Variants in MYH4 observed in about 807,000 individuals in gnomAD.
The protein encoded by MYH4 is myosin heavy chain 4.
A neutral mutation model predicts 229.9 loss-of-function variants in MYH4; 200 were observed. That is an observed-to-expected ratio of 0.87 (90% CI 0.78 to 0.98). The LOEUF (loss-of-function observed/expected upper bound fraction) is 0.98, where lower values mean the gene tolerates loss of function less well. Among genes scored for constraint, MYH4 ranks in the 50% least tolerant of loss-of-function variants. The pLI, the probability that MYH4 is intolerant of heterozygous loss-of-function variation, is 0.00. For synonymous variants in MYH4, 761 were observed against 834.6 expected (o/e 0.91, Z 1.52); for missense variants, 2,148 against 2,332.6 (o/e 0.92, Z 1.63).
chr17:10,454,798 G>GTAC lies in MYH4; in HGVS notation c.2447_2448insGTA (p.Phe816delinsLeuTyr). On this transcript the variant is annotated protein_altering_variant, in exon 22 of 40. Coordinates refer to ENST00000255381, the MANE Select transcript of MYH4 (RefSeq NM_017533.2). ...AAGCACGGATGTTGTACTGAATGCAGAAGATGGACTCTCTGTAGGAAAAGA... is the reference window on the plus strand; with the variant it reads ...AAGCACGGATGTTGTACTGAATGCAGTACAAGATGGACTCTCTGTAGGAAAAGA... 6.2e-7 allele frequency: 1 copy of GTAC among 1,613,838 alleles called. No homozygotes were observed. The highest frequency in any genetic ancestry group is 8.5e-7 in the Non-Finnish European group (1 of 1,179,896).
rs112990048 is a variant in MYH4 at position 10,454,785 on chromosome 17, T to C, written c.2461A>G (p.Asn821Asp). ...RRESIFCIQY[N>D]IRAFMNVKHW... ...TTCACATTCATGAAAGCACGGATGTTGTACTGAATGCAGAAGATGGACTCT... is the reference window on the plus strand; with the variant it reads ...TTCACATTCATGAAAGCACGGATGTCGTACTGAATGCAGAAGATGGACTCT... Residue 821 changes from asparagine (N) to aspartate (D), a missense_variant, in exon 22 of 40, where the codon AAC becomes GAC. By Grantham distance (23) the Asn-to-Asp change is conservative. Coordinates refer to ENST00000255381, the MANE Select transcript of MYH4 (RefSeq NM_017533.2). 1 of 1,614,100 alleles carries C rather than the reference T, an allele frequency of 6.2e-7. No individual in the cohort carries two copies. Among genetic ancestry groups the C allele is most frequent in the Non-Finnish European group, 8.5e-7 (1 of 1,180,000 alleles).
Position 10,457,721 on chromosome 17 carries a change from G to A in MYH4, c.1596C>T (p.Gly532=). Residue 532 remains glycine, a synonymous_variant, in exon 16 of 40, where the codon GGC becomes GGT. Coordinates refer to ENST00000255381, the MANE Select transcript of MYH4 (RefSeq NM_017533.2). ...ACTCCTCTTCTAGGATGGAGAAGAT[G>A]CCCATAGGCTAAGAATAGGAAAAAA... is the stretch of plus-strand genomic sequence containing the variant. ...ACIELIEKPM[G]IFSILEEECM... is the part of the protein sequence containing the mutation. The A allele has an allele frequency of 6.2e-7, 1 of 1,613,518 alleles. No individual in the cohort carries two copies.
In MYH4 at chr17:10,451,342, A is replaced by C; in HGVS notation, c.3849T>G (p.Arg1283=). The C allele has an allele frequency of 6.2e-7, 1 of 1,613,952 alleles. No homozygotes were observed. Among genetic ancestry groups the C allele is most frequent in the Non-Finnish European group, 8.5e-7 (1 of 1,179,970 alleles). ...TTTACTGACCTGATTCTGTGTGTAA[A>C]CGTGCCTTCTGGGCTGACAACTCAT... ...LINELSAQKA[R]LHTESGEFSR... The change falls in exon 28 of 40, where the codon CGT becomes CGG. Residue 1283 remains arginine (R), a synonymous_variant. Coordinates refer to ENST00000255381, the MANE Select transcript of MYH4 (RefSeq NM_017533.2).
intron 27 of MYH4, 113 bp from the exon 28 acceptor site, chr17:10,451,565 T>A: frequency 8.3e-7 from 1 of 1,204,594 alleles, no homozygotes; most frequent in Non-Finnish European, 1.1e-6. Context: ...TACTTTTCTA[T>A]CAATCTTGCA....
intron 4 of MYH4, 48 bp downstream of exon 4, chr17:10,466,225 T>C (rs202014531): frequency 8.3e-6 from 13 of 1,567,828 alleles, no homozygotes; most frequent in Admixed American, 5.2e-5. Context: ...TTAGCTAACA[T>C]GTGTAGAATG....
chr17:10,450,627 G>T lies in MYH4; in HGVS notation c.4007C>A (p.Ala1336Asp), dbSNP rs989911814. ...ETKAKSTLAH[A>D]LQSARHDCDL... Reference sequence around the variant, plus strand: ...ACAGTCATGGCGGGCTGACTGCAGGGCATGGGCCAGAGTGCTCTTGGCCTA... The same window carrying T: ...ACAGTCATGGCGGGCTGACTGCAGGTCATGGGCCAGAGTGCTCTTGGCCTA... The change falls in exon 30 of 40, where the codon GCC becomes GAC. Residue 1336 changes from alanine to aspartate, a missense_variant. By Grantham distance (126) the Ala-to-Asp change is moderately radical. Transcript: ENST00000255381. The T allele has an allele frequency of 1.9e-6, 3 of 1,614,142 alleles. No homozygotes were observed. Among genetic ancestry groups the T allele is most frequent in the Non-Finnish European group, 2.5e-6 (3 of 1,180,006 alleles).
At chr17:10,467,777 A>G (rs191418235) in intron 2 of MYH4, among the ~76,000 whole-genome samples, 317 of 152,326 alleles carry the variant, frequency 2.1e-3, no homozygotes, top group African/African-American at 7.4e-3. Context: ...GAACTTAAAA[A>G]ATTTTCCCTA....
chr17:10,468,946 C>G (rs2072794083), intron 2 of MYH4, among the ~76,000 whole-genome samples: 1 of 152,164 alleles, frequency 6.6e-6, no homozygotes, highest in South Asian at 2.1e-4. Flanking sequence ...GGATTGGCAC[C>G]TAGAAATATC....
In MYH4 at chr17:10,452,089, C is replaced by T. The variant is rs770623983; in HGVS notation, c.3590G>A (p.Arg1197Gln). The change falls in exon 27 of 40, where the codon CGG becomes CAG. Residue 1197 changes from arginine (R) to glutamine (Q), a missense_variant. Transcript: ENST00000255381. ...LQHEATAAAL[R>Q]KKHADSVAEL... ...AGCCACACTATCTGCGTGCTTCTTC[C>T]GAAGAGCAGCTGCCGTGGCTTCGTG... 1.9e-6 allele frequency: 3 copies of T among 1,613,830 alleles called. No individual in the cohort carries two copies. Among genetic ancestry groups the T allele is most frequent in the Admixed American group, 3.3e-5 (2 of 59,996 alleles).
At position 10,455,750 on chromosome 17, in the gene MYH4, A is replaced by C; in HGVS notation, c.2057-19T>G. On this transcript the variant is annotated intron_variant, in intron 18 of 39. Coordinates refer to ENST00000255381, the MANE Select transcript of MYH4 (RefSeq NM_017533.2). ...ATGGCACCTAAGAGAATGAATCCAC[A>C]TGCCATACTTCGTGGTCTATCGCAC... is the stretch of plus-strand genomic sequence containing the variant. The C allele has an allele frequency of 3.1e-6, 5 of 1,614,144 alleles. No individual in the cohort carries two copies. The highest frequency in any genetic ancestry group is 4.2e-6 in the Non-Finnish European group (5 of 1,180,002).
At chr17:10,460,774 C>A in intron 12 of MYH4, 142 bp downstream of exon 12, 1 of 795,570 alleles carries the variant, frequency 1.3e-6, no homozygotes, top group Non-Finnish European at 2.0e-6. Flanking sequence ...TAATGTAAAA[C>A]GTCAGGCAGT....
rs778451194 is a variant in MYH4, at chr17:10,459,428, A to C, written c.1417-7T>G. ...GCTGCTCCAGGCTGTTGAACTACAG[A>C]ACAAGATAAATATAGGAAATTACGC... On this transcript the variant is annotated splice_polypyrimidine_tract_variant and splice_region_variant and intron_variant, in intron 14 of 39. Coordinates refer to ENST00000255381, the MANE Select transcript of MYH4 (RefSeq NM_017533.2). The C allele has an allele frequency of 6.2e-7, 1 of 1,614,162 alleles. No individual in the cohort carries two copies. The highest frequency in any genetic ancestry group is 8.5e-7 in the Non-Finnish European group (1 of 1,180,014).
chr17:10,457,832 T>G, intron 15 of MYH4, 103 bp from the exon 16 acceptor site: 1 of 1,413,448 alleles, frequency 7.1e-7, no homozygotes, highest in Non-Finnish European at 9.5e-7. Context: ...AAGAAGACTT[T>G]GAATGATAAA....
At chr17:10,465,387 A>T in intron 5 of MYH4, 55 bp downstream of exon 5, 2 of 1,590,850 alleles carry the variant, frequency 1.3e-6, no homozygotes, top group Non-Finnish European at 1.7e-6. Flanking sequence ...GTTTTTTCTG[A>T]TATCAGTATA....
Position 10,459,403 on chromosome 17 carries a change from G to T in MYH4, c.1435C>A (p.Leu479Met). The T allele has an allele frequency of 3.1e-6, 5 of 1,614,134 alleles. No individual in the cohort carries two copies. The highest frequency in any genetic ancestry group is 4.2e-6 in the Non-Finnish European group (5 of 1,180,012). ...EIFDFNSLEQ[L>M]CINFTNEKLQ... ...TTCTCGTTGGTGAAGTTGATGCACA[G>T]CTGCTCCAGGCTGTTGAACTACAGA... The change falls in exon 15 of 40, where the codon CTG (leucine) becomes ATG (methionine). Residue 479 changes from leucine to methionine, a missense_variant. Transcript: ENST00000255381.
chr17:10,455,578 T>A (rs748002493), intron 19 of MYH4, 36 bp downstream of exon 19: 1 of 1,611,994 alleles, frequency 6.2e-7, no homozygotes, highest in East Asian at 2.2e-5. Flanking sequence ...TTGTGTAGAC[T>A]AAGACATTGG....
chr17:10,460,834 GA>G lies in MYH4; in HGVS notation c.1147+81del. On this transcript the variant is annotated intron_variant, in intron 12 of 39. Transcript: ENST00000255381. ...TTTGCCCTTCACGAGCTAGGTCAGAGAAAGTAAAAACACGGTCCCTGCCTCT... is the reference window on the plus strand; with the variant it reads ...TTTGCCCTTCACGAGCTAGGTCAGAGAAGTAAAAACACGGTCCCTGCCTCT... 2.0e-6 allele frequency: 3 copies of G among 1,494,872 alleles called. No individual in the cohort carries two copies. In the Admixed American group the frequency reaches 5.4e-5, roughly 27 times the overall value. The allele number at this position is 1,494,872 out of a possible 1,614,324, so 92.6% of individuals were successfully genotyped here. A position where few individuals can be genotyped will look rare whatever the true frequency, so the allele number is the denominator to read the frequency against.
Position 10,450,785 on chromosome 17 carries a change from C to T in MYH4, c.3976G>A (p.Glu1326Lys), listed in dbSNP as rs750462554. Residue 1326 changes from glutamate (E) to lysine (K), a missense_variant, in exon 29 of 40, where the codon GAG becomes AAG. Physicochemically the swap from Glu to Lys is moderately conservative, Grantham distance 56 (BLOSUM62 1). Transcript: ENST00000255381. ...AGCTGGAGAATTCTCACCTTAGTCTCCTCTTCTAGCTGCCTCTTTAATTCT... is the reference window on the plus strand; with the variant it reads ...AGCTGGAGAATTCTCACCTTAGTCTTCTCTTCTAGCTGCCTCTTTAATTCT... The part of the protein sequence containing the change: ...IEELKRQLEE[E>K]TKAKSTLAHA... 10 of 1,613,394 alleles carry T rather than the reference C, an allele frequency of 6.2e-6. No individual in the cohort carries two copies. Among genetic ancestry groups the T allele is most frequent in the Non-Finnish European group, 7.6e-6 (9 of 1,179,456 alleles).
In MYH4 at chr17:10,448,670, C is replaced by A. The variant is rs764414171; in HGVS notation, c.4479G>T (p.Glu1493Asp). 3 of 1,614,012 alleles carry A rather than the reference C, an allele frequency of 1.9e-6. No homozygotes were observed. The highest frequency in any genetic ancestry group is 2.5e-6 in the Non-Finnish European group (3 of 1,180,010). Residue 1493 changes from glutamate (E) to aspartate (D), a missense_variant, in exon 32 of 40, where the codon GAG (glutamate) becomes GAT (aspartate). Physicochemically the swap from Glu to Asp is conservative, Grantham distance 45 (BLOSUM62 2). Transcript: ENST00000255381. ...GAGTTTCAAGATGATCCAGGGATTC[C>A]TCGTAGGCATTCTTCACCTTGAACA... Reference protein sequence around the residue: ...TELFKVKNAYEESLDHLETLK... With the variant: ...TELFKVKNAYDESLDHLETLK...
Sources: allele counts gnomAD v4.1 joint callset (sites outside exome capture counted in the v4.1 genomes callset), GRCh38; gene constraint gnomAD v4.1.1; transcripts MANE v1.5; gene names NCBI Gene and HGNC (gene_info 2026-07-23, HGNC 2026-07-21).